The following CACNA1C variants were observed in gnomAD, a reference collection of about 807,000 sequenced individuals.
CACNA1C encodes the protein calcium voltage-gated channel subunit alpha1 C.
A neutral mutation model predicts 229.0 loss-of-function variants in CACNA1C; 30 were observed. That is an observed-to-expected ratio of 0.13 (90% confidence interval 0.10 to 0.18). CACNA1C has a LOEUF of 0.18. CACNA1C is among the 10% of genes least tolerant of loss of function. CACNA1C has a pLI of 1.00. For synonymous variants in CACNA1C, 1,114 were observed against 1,132.5 expected, an observed-to-expected ratio of 0.98 and a Z score of 0.33; for missense variants, 1,658 against 2,845.0, an observed-to-expected ratio of 0.58 and a Z score of 9.49.
At chr12:2,527,346 T>C (rs1420862455) in intron 9 of CACNA1C, among the ~76,000 whole-genome samples, 1 of 152,222 alleles carries the variant, frequency 6.6e-6, no homozygotes, top group Non-Finnish European at 1.5e-5. Context: ...CTTGAAGTAA[T>C]AGACTAGATC....
Position 2,682,732 on chromosome 12 carries a change from G to A in CACNA1C, c.5573+54G>A, listed in dbSNP as rs141618178. On this transcript the variant is annotated intron_variant, in intron 43 of 46. Transcript: ENST00000399655. ...GACCCAAGTGTGGGAACAAATGTGG[G>A]GAGGCAGAGGCAGGTCCCTGAGATC... The A allele has an allele frequency of 3.4e-5, 53 of 1,572,242 alleles. No individual in the cohort carries two copies. In the African/African-American group the frequency reaches 7.1e-4, roughly 21 times the overall value.
chr12:2,389,420 T>C (rs2098448140), intron 3 of CACNA1C, among the ~76,000 whole-genome samples: 1 of 152,112 alleles, frequency 6.6e-6, no homozygotes, highest in Non-Finnish European at 1.5e-5. Flanking sequence ...AGTTTTGGGA[T>C]CAAGGGATAT....
chr12:2,550,944 T>C (rs2099900090), intron 10 of CACNA1C, among the ~76,000 whole-genome samples: 1 of 152,090 alleles, frequency 6.6e-6, no homozygotes, highest in East Asian at 1.9e-4. Flanking sequence ...CACCAGGGAG[T>C]CTGCACTGCA....
intron 1 of CACNA1C, among the ~76,000 whole-genome samples, chr12:2,111,496 A>G (rs874924): frequency 0.58 from 86,516 of 150,358 alleles, 27,087 homozygotes; most frequent in Non-Finnish European, 0.69. Flanking sequence ...GGCAGCCCGT[A>G]TGAGATGGGG....
intron 3 of CACNA1C, among the ~76,000 whole-genome samples, chr12:2,376,188 G>GT (rs1380208150): frequency 6.6e-6 from 1 of 152,192 alleles, no homozygotes; most frequent in Middle Eastern, 3.2e-3. Flanking sequence ...GAAGTGGTCT[G>GT]TTTTTGCCAT....
intron 3 of CACNA1C, among the ~76,000 whole-genome samples, chr12:2,358,610 GAA>G (rs2097458681): frequency 6.6e-6 from 1 of 152,174 alleles, no homozygotes; most frequent in South Asian, 2.1e-4. Context: ...GGACTTGAAA[GAA>G]AGGAGAAGTG....
chr12:2,080,521 A>T (rs1345043321), intron 1 of CACNA1C, among the ~76,000 whole-genome samples: 2 of 151,934 alleles, frequency 1.3e-5, no homozygotes, highest in African/African-American at 4.8e-5. Flanking sequence ...GAATGGCATG[A>T]ACCCGGGAGG....
upstream of CACNA1C, among the ~76,000 whole-genome samples, chr12:2,050,489 C>T (rs2051949319): frequency 6.6e-6 from 1 of 152,202 alleles, no homozygotes. Flanking sequence ...TATTCCTGCA[C>T]TTGTGTGTAA....
chr12:2,638,673 C>T (rs2093221843), intron 30 of CACNA1C, among the ~76,000 whole-genome samples: 1 of 152,178 alleles, frequency 6.6e-6, no homozygotes, highest in Admixed American at 6.5e-5. Flanking sequence ...GCCAGCCCGT[C>T]ACTCTGTTTT....
chr12:2,436,045 G>A (rs1220223724), intron 3 of CACNA1C, among the ~76,000 whole-genome samples: 2 of 152,214 alleles, frequency 1.3e-5, no homozygotes, highest in Non-Finnish European at 2.9e-5. Context: ...GGCTGCAGGG[G>A]CAGTGATGGA....
chr12:2,328,958 TG>T (rs1332994637), intron 3 of CACNA1C, among the ~76,000 whole-genome samples: 1 of 152,208 alleles, frequency 6.6e-6, no homozygotes, highest in Non-Finnish European at 1.5e-5. Flanking sequence ...CAGGTGAAAT[TG>T]AGTACTGCTT....
chr12:2,545,298 C>T (rs1395454765), intron 9 of CACNA1C, among the ~76,000 whole-genome samples: 1 of 143,530 alleles, frequency 7.0e-6, no homozygotes, highest in Non-Finnish European at 1.5e-5. Flanking sequence ...TGCCTAACAA[C>T]CATAGAATGG....
chr12:2,065,988 T>G (rs2059132259), intron 1 of CACNA1C, among the ~76,000 whole-genome samples: 1 of 152,076 alleles, frequency 6.6e-6, no homozygotes, highest in African/African-American at 2.4e-5. Flanking sequence ...TGGTAGGCAA[T>G]GGAGGGCCGT....
intron 3 of CACNA1C, among the ~76,000 whole-genome samples, chr12:2,359,434 A>G (rs553011100): frequency 3.3e-5 from 5 of 152,172 alleles, no homozygotes; most frequent in African/African-American, 9.6e-5. Context: ...CCTTCCTTAG[A>G]CTTTCTTATG....
chr12:2,523,615 G>T (rs535385221), intron 9 of CACNA1C, among the ~76,000 whole-genome samples: 18 of 152,330 alleles, frequency 1.2e-4, no homozygotes, highest in Admixed American at 2.6e-4. Flanking sequence ...TGTCTTTGGA[G>T]AAGTCCTGTC....
Position 2,100,792 on chromosome 12 carries a change from C to T in CACNA1C, c.50-14432C>T, listed in dbSNP as rs1236944036. ...AAAAGGTCGGGGGCAGTGGCTCATA[C>T]CTGTAATCCTAGCACTTTGGGAGGC... On this transcript the variant is annotated intron_variant, in intron 1 of 46. Transcript: ENST00000399655. 2.0e-5 allele frequency among the ~76,000 whole-genome samples: 3 copies of T among 151,294 alleles called. No individual in the cohort carries two copies. The East Asian group carries it at 5.8e-4, about 29-fold the overall frequency.
In CACNA1C at chr12:2,689,990, T is replaced by TC. The variant is rs2097729892; in HGVS notation, c.6118-905dup. 1 of 152,064 alleles carries TC rather than the reference T, an allele frequency of 6.6e-6. No individual in the cohort carries two copies. Among genetic ancestry groups the TC allele is most frequent in the Non-Finnish European group, 1.5e-5 (1 of 68,076 alleles). The allele number at this position is 152,064 out of a possible 1,614,324, so 9.4% of individuals were successfully genotyped here. A position where few individuals can be genotyped will look rare whatever the true frequency, so the allele number is the denominator to read the frequency against. ...AGCGAGTGCCAGGCTGCACTCAGCT[T>TC]CCCCCGACCCGCTGGCTCAGGAGCC... On this transcript the variant is annotated intron_variant, in intron 46 of 46. Transcript: ENST00000399655. The surrounding 1 kb of genome is among the most constrained non-coding windows in gnomAD (Gnocchi z 4.2).
intron 1 of CACNA1C, among the ~76,000 whole-genome samples, chr12:2,076,766 C>G (rs1241151702): frequency 2.0e-5 from 3 of 152,166 alleles, no homozygotes; most frequent in African/African-American, 7.2e-5. Context: ...AAATGAGCCC[C>G]TGCTTTATAG....
intron 3 of CACNA1C, among the ~76,000 whole-genome samples, chr12:2,302,116 G>A (rs981160290): frequency 2.0e-5 from 3 of 152,132 alleles, no homozygotes; most frequent in South Asian, 2.1e-4. Context: ...GCTGATTTTC[G>A]TGACTGACTA....
Sources: allele counts gnomAD v4.1 joint callset (sites outside exome capture counted in the v4.1 genomes callset), GRCh38; gene constraint gnomAD v4.1.1; non-coding constraint Gnocchi (gnomAD v3.1); transcripts MANE v1.5; gene names NCBI Gene and HGNC (gene_info 2026-07-23, HGNC 2026-07-21).